The following CHRNA3 variants were observed in gnomAD, a reference collection of about 807,000 sequenced individuals.
CHRNA3 encodes cholinergic receptor nicotinic alpha 3 subunit.
Under a neutral mutation model 41.9 loss-of-function variants are expected in CHRNA3, and 34 were observed. That is an observed-to-expected ratio of 0.81 (90% CI 0.62 to 1.08). The LOEUF (loss-of-function observed/expected upper bound fraction) is 1.08. Ranked by LOEUF, CHRNA3 falls within the 50% of genes least tolerant of loss-of-function variation. The pLI, the probability that CHRNA3 is intolerant of heterozygous loss-of-function variation, is 0.00. For missense variants in CHRNA3, 542 were observed against 638.3 expected (o/e 0.85, Z 1.63); for synonymous variants, 281 against 265.2 (o/e 1.06, Z -0.58).
At chr15:78,596,789 T>C in intron 5 of CHRNA3, 57 bp from the exon 6 acceptor site, 1 of 1,557,420 alleles carries the variant, frequency 6.4e-7, no homozygotes, top group Non-Finnish European at 8.6e-7. Context: ...AATGAATACA[T>C]TTTCAATACT....
chr15:78,608,830 T>TG (rs2053338593), intron 4 of CHRNA3, among the ~76,000 whole-genome samples: 1 of 136,816 alleles, frequency 7.3e-6, no homozygotes, highest in African/African-American at 2.5e-5. Context: ...TTAAAAACTG[T>TG]GAAAAAAAAA....
chr15:78,603,345 G>T (rs554662091), intron 4 of CHRNA3, among the ~76,000 whole-genome samples: 1 of 152,258 alleles, frequency 6.6e-6, no homozygotes, highest in African/African-American at 2.4e-5. Flanking sequence ...GAATAGTCTT[G>T]TTGGTTTGTT....
rs200382777 is a variant in CHRNA3, at chr15:78,601,990, C to T, written c.652G>A (p.Asp218Asn). The part of the protein sequence containing the change: ...AIIKAPGYKH[D>N]IKYNCCEEIY... ...TCCTCGCAGCAGTTGTACTTGATGT[C>T]GTGTTTGTAGCCTGGGGCTTTGATG... The change falls in exon 5 of 6, where the codon GAC becomes AAC. Residue 218 changes from aspartate to asparagine, a missense_variant. By Grantham distance (23) the Asp-to-Asn change is conservative. Transcript: ENST00000326828. 10 of 1,611,120 alleles carry T rather than the reference C, an allele frequency of 6.2e-6. No individual in the cohort carries two copies. In the Admixed American group the frequency reaches 6.7e-5, roughly 11 times the overall value.
At chr15:78,613,824 T>C (rs1053956529) in intron 4 of CHRNA3, among the ~76,000 whole-genome samples, 40 of 148,948 alleles carry the variant, frequency 2.7e-4, no homozygotes, top group Non-Finnish European at 5.5e-4. Context: ...CGGGCGCCTG[T>C]AGTCCCAGCT....
rs1404572235 is a variant in CHRNA3 at position 78,616,901 on chromosome 15, T to G, written c.377+123A>C. 2.5e-5 allele frequency: 16 copies of G among 639,876 alleles called. No homozygotes were observed. The Middle Eastern group carries it at 4.2e-3, about 168-fold the overall frequency. The allele number at this position is 639,876 out of a possible 1,614,324, so 39.6% of individuals were successfully genotyped here. ...AGTTGCTGATTACATACCTATGGAC[T>G]GAACAAATGAATGCAGCCTTCTTGG... On this transcript the variant is annotated intron_variant, in intron 4 of 5. Transcript: ENST00000326828.
chr15:78,618,319 GGGCTT>G (rs1225463605), intron 3 of CHRNA3: 2 of 371,036 alleles, frequency 5.4e-6, no homozygotes, highest in Non-Finnish European at 9.9e-6. Context: ...TTTGGGGGCA[GGGCTT>G]CAATCTCAGG....
At chr15:78,613,257 A>G (rs2053408298) in intron 4 of CHRNA3, among the ~76,000 whole-genome samples, 1 of 152,194 alleles carries the variant, frequency 6.6e-6, no homozygotes, top group African/African-American at 2.4e-5. Flanking sequence ...GCTGTTATAA[A>G]GACACATGCA....
intron 3 of CHRNA3, 66 bp from the exon 4 acceptor site, chr15:78,617,199 G>T: frequency 9.9e-7 from 1 of 1,006,088 alleles, no homozygotes; most frequent in Non-Finnish European, 1.5e-6. Flanking sequence ...TACTTCCCGT[G>T]GCACCACCCA....
Position 78,596,139 on chromosome 15 carries a change from A to AGAAAT in CHRNA3, c.*460_*464dup, listed in dbSNP as rs1353274666. The AGAAAT allele has an allele frequency of 1.0e-6, 1 of 985,662 alleles. No individual in the cohort carries two copies. The highest frequency in any genetic ancestry group is 1.1e-4 in the East Asian group (1 of 8,822). 61.1% of individuals were successfully genotyped at this position (985,662 alleles called of 1,614,324 possible). ...AGCCCTTTAGACCCAGTAAAGAACG[A>AGAAAT]GAAATGCATGGTAAGAAATGGGTAA... On this transcript the variant is annotated 3_prime_UTR_variant, in exon 6 of 6. Transcript: ENST00000326828.
downstream of CHRNA3, chr15:78,594,119 T>G (rs1007278438): frequency 2.0e-5 from 3 of 152,208 alleles, no homozygotes; most frequent in African/African-American, 7.2e-5. Flanking sequence ...AAAACAGGAA[T>G]TGGGAACTCC....
At chr15:78,603,408 C>CCG (rs577432025) in intron 4 of CHRNA3, among the ~76,000 whole-genome samples, 364 of 152,340 alleles carry the variant, frequency 2.4e-3, no homozygotes, top group African/African-American at 8.3e-3. Flanking sequence ...GGCATTCCAT[C>CCG]CGCGATGGCC....
rs549669415 is a variant in CHRNA3, at chr15:78,603,189, A to G, written c.378-925T>C. ...CCACAAACGCTCAGCTACTTTTTCT[A>G]TTTTTAGTAGGGATGGAGTTTTGCC... On this transcript the variant is annotated intron_variant, in intron 4 of 5. Coordinates refer to ENST00000326828, the MANE Select transcript of CHRNA3 (RefSeq NM_000743.5). 3.9e-5 allele frequency among the ~76,000 whole-genome samples: 6 copies of G among 152,156 alleles called. No homozygotes were observed. The South Asian group carries it at 1.2e-3, about 32-fold the overall frequency.
chr15:78,607,244 T>C (rs1057384053), intron 4 of CHRNA3, among the ~76,000 whole-genome samples: 1 of 149,370 alleles, frequency 6.7e-6, no homozygotes, highest in South Asian at 2.1e-4. Flanking sequence ...AAGATTTTCA[T>C]GGAAGATAAA....
chr15:78,614,625 T>C lies in CHRNA3; in HGVS notation c.377+2399A>G, dbSNP rs540855084. Among the ~76,000 whole-genome samples the C allele has an allele frequency of 1.4e-4, 21 of 152,314 alleles. 1 individual carries two copies. The South Asian group carries it at 4.3e-3, about 32-fold the overall frequency. On this transcript the variant is annotated intron_variant, in intron 4 of 5. Coordinates refer to ENST00000326828, the MANE Select transcript of CHRNA3 (RefSeq NM_000743.5). The stretch of plus-strand genomic sequence containing the variant: ...ATAAGAAAACATTATTTTGTACTAA[T>C]ATGGCATAAAAACCTAGAAGTATTC...
Position 78,620,964 on chromosome 15 carries a change from C to CGGACCCGCGGGAGGACAG in CHRNA3, c.-188_-171dup. 1 of 887,538 alleles carries CGGACCCGCGGGAGGACAG rather than the reference C, an allele frequency of 1.1e-6. No homozygotes were observed. Among genetic ancestry groups the CGGACCCGCGGGAGGACAG allele is most frequent in the Non-Finnish European group, 1.4e-6 (1 of 691,664 alleles). The allele number at this position is 887,538 out of a possible 1,614,324, so 55.0% of individuals were successfully genotyped here. A position where few individuals can be genotyped will look rare whatever the true frequency, so the allele number is the denominator to read the frequency against. ...GCCGCCGCTGGGTTTCCAGCGCCCT[C>CGGACCCGCGGGAGGACAG]GGACCCGCGGGAGGACAGGAACCAT... On this transcript the variant is annotated 5_prime_UTR_variant, in exon 1 of 6. Transcript: ENST00000326828.
chr15:78,603,335 G>A (rs1008226507), intron 4 of CHRNA3, among the ~76,000 whole-genome samples: 1 of 152,270 alleles, frequency 6.6e-6, no homozygotes, highest in East Asian at 1.9e-4. Context: ...GTTTTTCTAG[G>A]AATAGTCTTG....
intron 4 of CHRNA3, among the ~76,000 whole-genome samples, chr15:78,611,077 C>CA (rs1474702476): frequency 6.6e-6 from 1 of 152,054 alleles, no homozygotes; most frequent in African/African-American, 2.4e-5. Context: ...TGGCAATAAT[C>CA]AATAGCTTAC....
chr15:78,608,809 T>TG (rs574760245), intron 4 of CHRNA3, among the ~76,000 whole-genome samples: 246 of 149,550 alleles, frequency 1.6e-3, no homozygotes, highest in African/African-American at 4.8e-3. Context: ...TTCAAACCAA[T>TG]GGCAAAGAAG....
At chr15:78,619,110 C>G in intron 1 of CHRNA3, 195 bp from the exon 2 acceptor site, 1 of 628,154 alleles carries the variant, frequency 1.6e-6, no homozygotes, top group Non-Finnish European at 2.7e-6. Flanking sequence ...CAGGATTCTA[C>G]CTGGCCACAC....
Sources: allele counts gnomAD v4.1 joint callset (sites outside exome capture counted in the v4.1 genomes callset), GRCh38; gene constraint gnomAD v4.1.1; transcripts MANE v1.5; gene names NCBI Gene and HGNC (gene_info 2026-07-23, HGNC 2026-07-21).